The following ABCG2 variants were observed in gnomAD, a reference collection of about 807,000 sequenced individuals.
ABCG2 encodes the protein broad substrate specificity ATP-binding cassette transporter ABCG2.
A neutral mutation model predicts 73.5 loss-of-function variants in ABCG2; 80 were observed. The observed-to-expected ratio is 1.09, with a 90% CI of 0.91 to 1.31. The LOEUF (loss-of-function observed/expected upper bound fraction) is 1.31, where lower values mean the gene tolerates loss of function less well. ABCG2 is among the 50% of genes most tolerant of loss of function. ABCG2 has a pLI of 0.00. For missense variants in ABCG2, 796 were observed against 786.2 expected (o/e 1.01, Z -0.15); for synonymous variants, 269 against 282.4 (o/e 0.95, Z 0.48).
intron 6 of ABCG2, among the ~76,000 whole-genome samples, chr4:88,121,280 GA>G (rs1339818567): frequency 1.3e-5 from 2 of 152,168 alleles, no homozygotes; most frequent in South Asian, 2.1e-4. Context: ...AGAATAAGAT[GA>G]AAAAGGTGTG....
At chr4:88,212,809 C>A (rs1167438173) in intron 1 of ABCG2, among the ~76,000 whole-genome samples, 2 of 152,168 alleles carry the variant, frequency 1.3e-5, no homozygotes, top group African/African-American at 4.8e-5. Flanking sequence ...TACTTAAATT[C>A]CTGTCTCCCC....
At chr4:88,181,882 C>A (rs1423351222) in intron 1 of ABCG2, among the ~76,000 whole-genome samples, 1 of 151,758 alleles carries the variant, frequency 6.6e-6, no homozygotes, top group Non-Finnish European at 1.5e-5. Context: ...AAAACAACCA[C>A]CACCATAAAA....
chr4:88,213,426 T>C (rs1578283316), intron 1 of ABCG2, among the ~76,000 whole-genome samples: 1 of 152,246 alleles, frequency 6.6e-6, no homozygotes, highest in East Asian at 1.9e-4. Context: ...CAGATTCTGT[T>C]CACCGTATCT....
chr4:88,187,715 A>G (rs1162743465), intron 1 of ABCG2, among the ~76,000 whole-genome samples: 1 of 152,200 alleles, frequency 6.6e-6, no homozygotes, highest in East Asian at 1.9e-4. Context: ...TATCTCATGT[A>G]ACCCATAAAT....
At chr4:88,231,214 T>C (rs1578297151) in exon 1 of ABCG2, 1 of 152,170 alleles carries the variant, frequency 6.6e-6, no homozygotes, top group East Asian at 1.9e-4. Flanking sequence ...GCCCCCAAAG[T>C]AGATCCTGCA....
chr4:88,153,877 G>A (rs191653187), intron 1 of ABCG2, among the ~76,000 whole-genome samples: 216 of 152,246 alleles, frequency 1.4e-3, no homozygotes, highest in African/African-American at 4.8e-3. Context: ...AAATTCCTGA[G>A]GAGTAGTAGA....
At chr4:88,127,179 AC>A (rs1389315650) in intron 5 of ABCG2, among the ~76,000 whole-genome samples, 1 of 152,184 alleles carries the variant, frequency 6.6e-6, no homozygotes, top group Non-Finnish European at 1.5e-5. Flanking sequence ...CACAATTGGT[AC>A]AAAGAGAATA....
At chr4:88,185,088 C>T (rs931769088) in intron 1 of ABCG2, among the ~76,000 whole-genome samples, 2 of 152,040 alleles carry the variant, frequency 1.3e-5, no homozygotes, top group South Asian at 2.1e-4. Context: ...CATGGATGGG[C>T]GAGGTGGCTC....
At chr4:88,121,487 A>C in intron 6 of ABCG2, 148 bp downstream of exon 6, 1 of 821,056 alleles carries the variant, frequency 1.2e-6, no homozygotes, top group East Asian at 2.7e-5. Context: ...GTTTTTCTTG[A>C]TAATGCTTTT....
upstream of ABCG2, among the ~76,000 whole-genome samples, chr4:88,162,579 T>C (rs1211153102): frequency 6.6e-6 from 1 of 152,194 alleles, no homozygotes; most frequent in African/African-American, 2.4e-5. Context: ...AACCTCATCC[T>C]AATATTTTAT....
intron 9 of ABCG2, among the ~76,000 whole-genome samples, chr4:88,110,490 C>T (rs1395530341): frequency 1.3e-5 from 2 of 152,068 alleles, no homozygotes; most frequent in Non-Finnish European, 2.9e-5. Flanking sequence ...TTACAGTGAG[C>T]CGACACAGCA....
At chr4:88,101,056 T>C (rs188086836) in intron 11 of ABCG2, among the ~76,000 whole-genome samples, 174 bp downstream of exon 11, 2 of 152,276 alleles carry the variant, frequency 1.3e-5, no homozygotes, top group East Asian at 3.9e-4. Flanking sequence ...TTTCAAAACA[T>C]CATGTTGTAT....
intron 5 of ABCG2, among the ~76,000 whole-genome samples, chr4:88,124,898 T>C (rs1178208173): frequency 6.6e-6 from 1 of 152,140 alleles, no homozygotes; most frequent in East Asian, 1.9e-4. Flanking sequence ...ATTTATCACA[T>C]AATTGGAAGT....
chr4:88,094,151 G>A (rs1721830336), intron 15 of ABCG2, among the ~76,000 whole-genome samples: 2 of 152,226 alleles, frequency 1.3e-5, no homozygotes, highest in South Asian at 4.2e-4. Context: ...CTGTCCGTGG[G>A]TTGGGCTCAG....
chr4:88,131,197 C>A lies in ABCG2; in HGVS notation c.395G>T (p.Gly132Val), dbSNP rs1026965987. ...GYVVQDDVVMGTLTVRENLQF... is the reference protein window; with the variant it reads ...GYVVQDDVVMVTLTVRENLQF... ...TAAGTTTTCTCTCACCGTCAGAGTG[C>A]CCATCACAACATCATCCTTAAGGCA... The change falls in exon 5 of 16, where the codon GGC (glycine) becomes GTC (valine). Residue 132 changes from glycine (G) to valine (V), a missense_variant. Gly to Val is a moderately radical substitution (Grantham distance 109). Transcript: ENST00000237612. 6.2e-6 allele frequency: 10 copies of A among 1,613,814 alleles called. No homozygotes were observed. Among genetic ancestry groups the A allele is most frequent in the Non-Finnish European group, 8.5e-6 (10 of 1,179,938 alleles).
intron 9 of ABCG2, among the ~76,000 whole-genome samples, chr4:88,108,225 TA>T (rs1722889629): frequency 1.3e-5 from 2 of 152,078 alleles, no homozygotes; most frequent in Admixed American, 6.6e-5. Flanking sequence ...AGTTAAATAT[TA>T]AAAAACAAGA....
chr4:88,211,730 T>G (rs1487256248), intron 1 of ABCG2, among the ~76,000 whole-genome samples: 11 of 152,182 alleles, frequency 7.2e-5, no homozygotes, highest in Admixed American at 7.2e-4. Context: ...AACTCTTTAC[T>G]TTCAAATGAC....
At chr4:88,212,005 A>G (rs1053312808) in intron 1 of ABCG2, among the ~76,000 whole-genome samples, 2 of 152,224 alleles carry the variant, frequency 1.3e-5, no homozygotes, top group African/African-American at 2.4e-5. Flanking sequence ...GCCCATGCTT[A>G]CATAGTGTAG....
chr4:88,153,012 G>A (rs548429957), intron 1 of ABCG2, among the ~76,000 whole-genome samples: 17 of 152,164 alleles, frequency 1.1e-4, no homozygotes, highest in South Asian at 2.1e-4. Flanking sequence ...AAAAAAGAAC[G>A]GAATAAGACA....
Sources: allele counts gnomAD v4.1 joint callset (sites outside exome capture counted in the v4.1 genomes callset), GRCh38; gene constraint gnomAD v4.1.1; transcripts MANE v1.5; gene names NCBI Gene and HGNC (gene_info 2026-07-23, HGNC 2026-07-21).